CCDC3: variants seen among roughly 807,000 people sequenced by gnomAD.
The protein encoded by CCDC3 is coiled-coil domain containing 3.
In CCDC3, 24 loss-of-function variants were observed where a neutral mutation model predicts 21.4. The observed-to-expected ratio is 1.12, with a 90% confidence interval of 0.81 to 1.58. The LOEUF (loss-of-function observed/expected upper bound fraction) is 1.58, where lower values mean the gene tolerates loss of function less well. CCDC3 is among the 40% of genes most tolerant of loss of function. CCDC3 has a pLI of 0.00. For synonymous variants in CCDC3, 186 were observed against 166.0 expected (o/e 1.12, Z -0.93); for missense variants, 425 against 360.9 (o/e 1.18, Z -1.44).
chr10:13,014,075 C>T lies in CCDC3; in HGVS notation c.-1-15563G>A, dbSNP rs376977084. Among the ~76,000 whole-genome samples, 23 of 151,968 alleles carry T rather than the reference C, an allele frequency of 1.5e-4. No homozygotes were observed. The East Asian group carries it at 1.9e-3, about 13-fold the overall frequency. On this transcript the variant is annotated intron_variant, in intron 5 of 6. Transcript: ENST00000378839. ...CTGAGGCAGGAGACTCACTTGAACCCGGGAGGTAGAGATTGCAGTGAGCCG... is the reference window on the plus strand; with the variant it reads ...CTGAGGCAGGAGACTCACTTGAACCTGGGAGGTAGAGATTGCAGTGAGCCG...
At chr10:13,027,733 C>CAA (rs1430972252) in intron 5 of CCDC3, among the ~76,000 whole-genome samples, 1 of 130,668 alleles carries the variant, frequency 7.7e-6, no homozygotes, top group African/African-American at 2.7e-5. Context: ...AAAAAAAAAA[C>CAA]AAAAAAAAAC....
chr10:12,917,932 G>C (rs1023793203), intron 2 of CCDC3, among the ~76,000 whole-genome samples: 1 of 152,170 alleles, frequency 6.6e-6, no homozygotes, highest in Non-Finnish European at 1.5e-5. Flanking sequence ...ACATTTCTTA[G>C]AAGTATGGCT....
At chr10:13,066,549 A>G (rs1271031279) in intron 4 of CCDC3, among the ~76,000 whole-genome samples, 4 of 152,250 alleles carry the variant, frequency 2.6e-5, no homozygotes, top group Admixed American at 1.3e-4. Context: ...GTGTTGTGAG[A>G]TCACTGGAAT....
At chr10:13,055,994 T>G (rs1588408711) in intron 4 of CCDC3, among the ~76,000 whole-genome samples, 1 of 152,216 alleles carries the variant, frequency 6.6e-6, no homozygotes, top group African/African-American at 2.4e-5. Flanking sequence ...CATGGATACT[T>G]CCTATGAAAT....
At chr10:12,928,321 GAGA>G (rs1212101022) in intron 2 of CCDC3, among the ~76,000 whole-genome samples, 4 of 152,198 alleles carry the variant, frequency 2.6e-5, no homozygotes, top group South Asian at 2.1e-4. Flanking sequence ...AGGCACAAGA[GAGA>G]AGAATACAAT....
chr10:13,001,246 A>G lies in CCDC3; in HGVS notation c.325T>C (p.Cys109Arg). The G allele has an allele frequency of 6.3e-7, 1 of 1,587,910 alleles. No homozygotes were observed. Among genetic ancestry groups the G allele is most frequent in the South Asian group, 1.2e-5 (1 of 86,668 alleles). ...TCCTGGACCACGGTGTGGGAGTGGCACGAGAAGTAGCCCAGGCCGGTGAGG... is the reference window on the plus strand; with the variant it reads ...TCCTGGACCACGGTGTGGGAGTGGCGCGAGAAGTAGCCCAGGCCGGTGAGG... Reference protein sequence around the residue: ...LNLTGLGYFSCHSHTVVQDYS... With the variant: ...LNLTGLGYFSRHSHTVVQDYS... Residue 109 changes from cysteine (C) to arginine (R), a missense_variant, in exon 1 of 3, where the codon TGC becomes CGC. Physicochemically the swap from Cys to Arg is radical, Grantham distance 180. Transcript: ENST00000378825.
intron 2 of CCDC3, among the ~76,000 whole-genome samples, chr10:12,937,352 C>T (rs1401011832): frequency 1.3e-5 from 2 of 152,148 alleles, no homozygotes; most frequent in East Asian, 3.9e-4. Flanking sequence ...TAGAGCATTT[C>T]CTTTTAGTAT....
intron 2 of CCDC3, among the ~76,000 whole-genome samples, chr10:12,932,680 T>C (rs902972119): frequency 1.3e-5 from 2 of 152,208 alleles, no homozygotes; most frequent in African/African-American, 2.4e-5. Context: ...TTAGCTACAA[T>C]AGAACTTCCA....
chr10:12,949,499 A>T (rs1406984812), intron 2 of CCDC3, among the ~76,000 whole-genome samples: 1 of 152,178 alleles, frequency 6.6e-6, no homozygotes, highest in Non-Finnish European at 1.5e-5. Context: ...GACACTGTGG[A>T]GTTCCATTCC....
chr10:12,996,783 C>T (rs185693109), intron 2 of CCDC3, among the ~76,000 whole-genome samples: 10 of 152,240 alleles, frequency 6.6e-5, no homozygotes, highest in Non-Finnish European at 1.3e-4. Context: ...CCTTTGCAGA[C>T]ATGGATGCAG....
chr10:12,964,661 T>C (rs1339207554), intron 2 of CCDC3, among the ~76,000 whole-genome samples: 5 of 152,192 alleles, frequency 3.3e-5, no homozygotes, highest in Non-Finnish European at 7.3e-5. Context: ...TCCTCACTGT[T>C]TGAAATTCAT....
At chr10:13,015,238 C>T (rs564571601) in intron 5 of CCDC3, among the ~76,000 whole-genome samples, 12 of 152,100 alleles carry the variant, frequency 7.9e-5, no homozygotes, top group African/African-American at 2.9e-4. Context: ...TTTAAAAGGA[C>T]CTGTAAGACC....
intron 2 of CCDC3, among the ~76,000 whole-genome samples, chr10:12,916,206 G>A (rs1834350834): frequency 6.6e-6 from 1 of 152,130 alleles, no homozygotes; most frequent in Non-Finnish European, 1.5e-5. Context: ...GGCCAAGGTG[G>A]GCGGATCACA....
chr10:13,068,574 G>A (rs1836847992), intron 4 of CCDC3, among the ~76,000 whole-genome samples: 1 of 152,146 alleles, frequency 6.6e-6, no homozygotes, highest in Non-Finnish European at 1.5e-5. Flanking sequence ...TTTGCTAAAT[G>A]TTTTAAGGTT....
intron 2 of CCDC3, among the ~76,000 whole-genome samples, chr10:12,969,771 T>TA (rs956266356): frequency 2.3e-4 from 33 of 146,612 alleles, no homozygotes; most frequent in Middle Eastern, 3.5e-3. Context: ...TATTCATTCT[T>TA]AAAAAAAAAA....
At chr10:12,902,256 G>A (rs1034723105) in intron 2 of CCDC3, among the ~76,000 whole-genome samples, 1 of 152,160 alleles carries the variant, frequency 6.6e-6, no homozygotes, top group Non-Finnish European at 1.5e-5. Flanking sequence ...GGGCTCCCGG[G>A]GAAGCTGCTG....
At chr10:12,919,360 C>G (rs909016653) in intron 2 of CCDC3, among the ~76,000 whole-genome samples, 15 of 152,090 alleles carry the variant, frequency 9.9e-5, no homozygotes, top group African/African-American at 3.4e-4. Context: ...GAGGCTGAGG[C>G]CGGCGGATCA....
chr10:12,974,185 G>A lies in CCDC3; in HGVS notation c.549+24153C>T, dbSNP rs186515349. Among the ~76,000 whole-genome samples, 6 of 152,358 alleles carry A rather than the reference G, an allele frequency of 3.9e-5. No homozygotes were observed. The East Asian group carries it at 1.2e-3, about 29-fold the overall frequency. On this transcript the variant is annotated intron_variant, in intron 2 of 2. Coordinates refer to ENST00000378825, the MANE Select transcript of CCDC3 (RefSeq NM_031455.4). The stretch of plus-strand genomic sequence containing the variant: ...GCAACATAATGAAATTTGCTGGATA[G>A]GAAAAGCCTGCCGGGTACGGCGAGA...
At chr10:12,920,858 C>T (rs1216996703) in intron 2 of CCDC3, among the ~76,000 whole-genome samples, 1 of 152,136 alleles carries the variant, frequency 6.6e-6, no homozygotes, top group Non-Finnish European at 1.5e-5. Flanking sequence ...GGTAGCGCTC[C>T]CATGCTCATA....
Sources: allele counts gnomAD v4.1 joint callset (sites outside exome capture counted in the v4.1 genomes callset), GRCh38; gene constraint gnomAD v4.1.1; transcripts MANE v1.5; gene names NCBI Gene and HGNC (gene_info 2026-07-23, HGNC 2026-07-21).